Variants in DPP6 observed in about 807,000 individuals in gnomAD.
DPP6 encodes A-type potassium channel modulatory protein DPP6.
In DPP6, 69 loss-of-function variants were observed where a neutral mutation model predicts 122.6. The observed-to-expected ratio is 0.56, with a 90% CI of 0.46 to 0.69. DPP6 has a LOEUF of 0.69. DPP6 is among the 30% of genes least tolerant of loss of function. DPP6 has a pLI of 0.00. For synonymous variants in DPP6, 418 were observed against 433.1 expected (o/e 0.97, Z 0.43); for missense variants, 928 against 1,116.9 (o/e 0.83, Z 2.41).
intron 7 of DPP6, among the ~76,000 whole-genome samples, chr7:154,708,260 G>T (rs576769503): frequency 6.6e-6 from 1 of 152,288 alleles, no homozygotes; most frequent in East Asian, 1.9e-4. Context: ...ATCAGTTTCT[G>T]TATACAAGGC....
At position 154,270,653 on chromosome 7, in the gene DPP6, T is replaced by C. The variant is rs181040545; in HGVS notation, c.244-175561T>C. On this transcript the variant is annotated intron_variant, in intron 1 of 25. Transcript: ENST00000377770. ...GATCCACCCTTAAGGCGGCAAAGTG[T>C]GTACTAAGGCATCAAAAGGACAAGT... Among the ~76,000 whole-genome samples, 357 of 152,276 alleles carry C rather than the reference T, an allele frequency of 2.3e-3. 3 individuals are homozygous for C. Among genetic ancestry groups the C allele is most frequent in the African/African-American group, 7.9e-3 (328 of 41,552 alleles).
chr7:154,562,281 G>T (rs188217144), intron 4 of DPP6, among the ~76,000 whole-genome samples: 28 of 152,186 alleles, frequency 1.8e-4, no homozygotes, highest in Admixed American at 2.6e-4. Flanking sequence ...TGCAAGGTTG[G>T]TTTAACATTA....
intron 1 of DPP6, among the ~76,000 whole-genome samples, chr7:153,971,050 A>ACT (rs1399252902): frequency 6.6e-6 from 1 of 152,128 alleles, no homozygotes; most frequent in African/African-American, 2.4e-5. Flanking sequence ...GATTGCATTA[A>ACT]CTCTATACAT....
chr7:154,221,563 C>T (rs1436253654), intron 1 of DPP6, among the ~76,000 whole-genome samples: 2 of 152,188 alleles, frequency 1.3e-5, no homozygotes, highest in Admixed American at 6.5e-5. Flanking sequence ...TTTATTACTT[C>T]TGTTAAGTGC....
rs1812975228 is a variant in DPP6 at position 154,374,660 on chromosome 7, G to A, written c.244-71554G>A. On this transcript the variant is annotated intron_variant, in intron 1 of 25. Transcript: ENST00000377770. ...CAGTTTTCCTCTTGTTGCCCAGGCT[G>A]GAGTGCAATGGCACCATCTCAGCTC... Among the ~76,000 whole-genome samples, 4 of 137,794 alleles carry A rather than the reference G, an allele frequency of 2.9e-5. No homozygotes were observed. In the East Asian group the frequency reaches 8.6e-4, roughly 29 times the overall value. The allele number at this position is 137,794 out of a possible 152,430, so 90.4% of individuals were successfully genotyped here.
At chr7:154,884,612 T>C (rs148499138) in intron 21 of DPP6, 6 of 107,930 alleles carry the variant, frequency 5.6e-5, no homozygotes, top group East Asian at 3.7e-4. Flanking sequence ...CACGATTACA[T>C]ACACATGCTC....
At chr7:154,683,338 T>G (rs1326923515) in intron 7 of DPP6, among the ~76,000 whole-genome samples, 1 of 152,184 alleles carries the variant, frequency 6.6e-6, no homozygotes, top group Non-Finnish European at 1.5e-5. Flanking sequence ...TCACTATTGT[T>G]TCTGCCAAAG....
At chr7:154,578,501 TCGGG>T (rs1831831656) in intron 5 of DPP6, among the ~76,000 whole-genome samples, 1 of 1,506 alleles carries the variant, frequency 6.6e-4, no homozygotes, top group African/African-American at 2.0e-3. Context: ...CAGGGGCTAT[TCGGG>T]CTTGGCAGGG....
chr7:153,999,955 C>T (rs1006646685), intron 1 of DPP6, among the ~76,000 whole-genome samples: 2 of 151,140 alleles, frequency 1.3e-5, no homozygotes, highest in Non-Finnish European at 2.9e-5. Context: ...GTGAGACCCC[C>T]ATCTCAAAGA....
At chr7:154,165,214 A>T (rs1357555585) in intron 1 of DPP6, among the ~76,000 whole-genome samples, 3 of 133,484 alleles carry the variant, frequency 2.2e-5, no homozygotes, top group South Asian at 2.5e-4. Flanking sequence ...TGTCCATGTG[A>T]TCTCATTGTT....
intron 1 of DPP6, among the ~76,000 whole-genome samples, chr7:154,060,329 AG>A (rs1466558618): frequency 2.2e-5 from 1 of 46,264 alleles, no homozygotes; most frequent in Non-Finnish European, 4.4e-5. Flanking sequence ...CCATCGCAGG[AG>A]GGGGAGGCAC....
chr7:154,460,189 C>A (rs1821173083), intron 2 of DPP6, among the ~76,000 whole-genome samples: 1 of 151,954 alleles, frequency 6.6e-6, no homozygotes. Context: ...GCGATGTTGG[C>A]CAGGCTAGTC....
intron 5 of DPP6, among the ~76,000 whole-genome samples, chr7:154,626,995 T>C: frequency 7.7e-6 from 1 of 129,924 alleles, no homozygotes; most frequent in African/African-American, 3.0e-5. Flanking sequence ...CATTAGAAAT[T>C]TTTTCTTTTT....
At chr7:153,933,365 G>T (rs941560962) in intron 1 of DPP6, among the ~76,000 whole-genome samples, 2 of 152,158 alleles carry the variant, frequency 1.3e-5, no homozygotes, top group African/African-American at 4.8e-5. Flanking sequence ...GGCACTCCCA[G>T]GAAGGGAAGG....
intron 3 of DPP6, among the ~76,000 whole-genome samples, chr7:154,479,740 T>C (rs1419727211): frequency 6.6e-6 from 1 of 152,078 alleles, no homozygotes; most frequent in Non-Finnish European, 1.5e-5. Context: ...GGAGCCCCTT[T>C]GTGCCATTCT....
chr7:154,576,361 T>C (rs1831671846), intron 5 of DPP6, among the ~76,000 whole-genome samples: 1 of 152,074 alleles, frequency 6.6e-6, no homozygotes, highest in Admixed American at 6.5e-5. Flanking sequence ...CACGATGACC[T>C]TTCTGTGTAA....
At chr7:153,804,516 T>C in the DPP6 span, among the ~76,000 whole-genome samples, 1 of 152,180 alleles carries the variant, frequency 6.6e-6, no homozygotes. Context: ...TGCTTGTAGA[T>C]ATACATCAAA....
chr7:153,953,337 A>C (rs1366433067), intron 1 of DPP6, among the ~76,000 whole-genome samples: 4 of 152,212 alleles, frequency 2.6e-5, no homozygotes, highest in African/African-American at 9.6e-5. Flanking sequence ...TAATTTGCCT[A>C]AGATCACACA....
intron 5 of DPP6, among the ~76,000 whole-genome samples, chr7:154,614,604 A>G (rs926035724): frequency 6.6e-6 from 1 of 152,222 alleles, no homozygotes; most frequent in Non-Finnish European, 1.5e-5. Flanking sequence ...TGGTGGTTTC[A>G]TGATTGCTTG....
Sources: gnomAD v4.1 joint callset for allele counts (sites outside exome capture counted in the v4.1 genomes callset) on GRCh38, gnomAD v4.1.1 for gene constraint, MANE v1.5 for transcripts, NCBI Gene and HGNC (gene_info 2026-07-23, HGNC 2026-07-21) for gene names.